The following HS3ST4 variants were observed in gnomAD, a reference collection of about 807,000 sequenced individuals.
The protein encoded by HS3ST4 is heparan sulfate-glucosamine 3-sulfotransferase 4, also known as heparan sulfate glucosamine 3-O-sulfotransferase 4.
HS3ST4 carries 17 observed loss-of-function variants against 29.2 expected under a neutral mutation model. The ratio of observed to expected loss-of-function variants is 0.58; its 90% CI spans 0.40 to 0.87. The LOEUF is 0.87. Ranked by LOEUF, HS3ST4 falls within the 40% of genes least tolerant of loss-of-function variation. The pLI, the probability that HS3ST4 is intolerant of heterozygous loss-of-function variation, is 0.00. For synonymous variants in HS3ST4, 314 were observed against 285.7 expected (o/e 1.10, Z -1.00); for missense variants, 627 against 634.5 (o/e 0.99, Z 0.13).
intron 1 of HS3ST4, among the ~76,000 whole-genome samples, chr16:26,054,341 A>AAG (rs1223992404): frequency 1.3e-5 from 2 of 151,848 alleles, no homozygotes; most frequent in Non-Finnish European, 2.9e-5. Context: ...GAAGAAGAAG[A>AAG]AGAATGCATT....
At chr16:26,028,427 GA>G (rs1156803953) in intron 1 of HS3ST4, among the ~76,000 whole-genome samples, 7 of 152,234 alleles carry the variant, frequency 4.6e-5, no homozygotes, top group Admixed American at 4.6e-4. Flanking sequence ...TTATCAAGAA[GA>G]GAGACTTTTT....
chr16:25,884,697 TG>T (rs1457564476), intron 1 of HS3ST4, among the ~76,000 whole-genome samples: 25 of 152,076 alleles, frequency 1.6e-4, no homozygotes, highest in Non-Finnish European at 3.4e-4. Context: ...TCCCGAGTAG[TG>T]GGGATTACAG....
chr16:25,979,891 T>C (rs1367096037), intron 1 of HS3ST4, among the ~76,000 whole-genome samples: 1 of 152,214 alleles, frequency 6.6e-6, no homozygotes, highest in Non-Finnish European at 1.5e-5. Context: ...CCTACCCTGC[T>C]ATGCGAATCA....
At position 25,697,720 on chromosome 16, in the gene HS3ST4, C is replaced by T. The variant is rs144295930; in HGVS notation, c.734+4569C>T. ...GTCTTTCTTTTCTTTTTTTTTGAGACGGGGTCTCGCTCTGTTGCCAGGCTG... is the reference window on the plus strand; with the variant it reads ...GTCTTTCTTTTCTTTTTTTTTGAGATGGGGTCTCGCTCTGTTGCCAGGCTG... On this transcript the variant is annotated intron_variant, in intron 1 of 1. Transcript: ENST00000331351. 8.2e-3 allele frequency among the ~76,000 whole-genome samples: 1,250 copies of T among 151,734 alleles called. 9 individuals carry two copies. Among genetic ancestry groups the T allele is most frequent in the African/African-American group, 0.028 (1,170 of 41,370 alleles).
At chr16:26,061,069 C>T (rs1898469172) in intron 1 of HS3ST4, among the ~76,000 whole-genome samples, 1 of 152,196 alleles carries the variant, frequency 6.6e-6, no homozygotes, top group Non-Finnish European at 1.5e-5. Flanking sequence ...TCTATTACTG[C>T]TTTCTGAGCA....
At chr16:26,008,087 G>A (rs1969274524) in intron 1 of HS3ST4, among the ~76,000 whole-genome samples, 1 of 152,032 alleles carries the variant, frequency 6.6e-6, no homozygotes, top group African/African-American at 2.4e-5. Context: ...ACAGACATCA[G>A]GCAGATTAAC....
At chr16:25,986,289 A>G (rs11074740) in intron 1 of HS3ST4, among the ~76,000 whole-genome samples, 19,834 of 152,260 alleles carry the variant, frequency 0.13, 1,364 homozygotes, top group Middle Eastern at 0.16. Context: ...AGAACCAGGC[A>G]TTGAAACTGG....
At chr16:25,777,607 A>G (rs1374563537) in intron 1 of HS3ST4, among the ~76,000 whole-genome samples, 2 of 152,162 alleles carry the variant, frequency 1.3e-5, no homozygotes, top group Non-Finnish European at 2.9e-5. Flanking sequence ...ATCTCTACTA[A>G]AAATACAAAA....
intron 1 of HS3ST4, among the ~76,000 whole-genome samples, chr16:25,796,258 T>G (rs1966885295): frequency 6.6e-6 from 1 of 152,204 alleles, no homozygotes; most frequent in African/African-American, 2.4e-5. Context: ...AGTATCAACA[T>G]GCAGAAAATT....
At chr16:25,820,650 G>T (rs922913570) in intron 1 of HS3ST4, among the ~76,000 whole-genome samples, 4 of 151,864 alleles carry the variant, frequency 2.6e-5, no homozygotes, top group African/African-American at 9.7e-5. Flanking sequence ...GCCGAGGCTG[G>T]TTTCAAACTC....
At chr16:25,697,461 C>T (rs557947403) in intron 1 of HS3ST4, among the ~76,000 whole-genome samples, 37 of 152,312 alleles carry the variant, frequency 2.4e-4, no homozygotes, top group African/African-American at 8.7e-4. Flanking sequence ...AGATTGCTTA[C>T]ATGTTGAAAT....
intron 1 of HS3ST4, among the ~76,000 whole-genome samples, chr16:25,823,325 C>A (rs1967181489): frequency 6.6e-6 from 1 of 152,140 alleles, no homozygotes; most frequent in African/African-American, 2.4e-5. Flanking sequence ...AAGACAAAAG[C>A]AAGAGAAAGA....
intron 1 of HS3ST4, among the ~76,000 whole-genome samples, chr16:25,935,724 T>C (rs570825635): frequency 6.6e-6 from 1 of 152,308 alleles, no homozygotes; most frequent in Admixed American, 6.5e-5. Flanking sequence ...ACCTGCTAAA[T>C]GACACCTGGT....
intron 1 of HS3ST4, among the ~76,000 whole-genome samples, chr16:25,781,514 A>T (rs1966852584): frequency 6.6e-6 from 1 of 152,176 alleles, no homozygotes. Flanking sequence ...CTCCTCTCTC[A>T]CACACATAAC....
At chr16:26,066,875 A>G (rs1194360132) in intron 1 of HS3ST4, among the ~76,000 whole-genome samples, 2 of 152,184 alleles carry the variant, frequency 1.3e-5, no homozygotes, top group African/African-American at 4.8e-5. Context: ...TGTGGACATT[A>G]GTTCTATATA....
At chr16:25,693,450 G>C (rs934520784) in intron 1 of HS3ST4, among the ~76,000 whole-genome samples, 1 of 152,216 alleles carries the variant, frequency 6.6e-6, no homozygotes, top group African/African-American at 2.4e-5. Flanking sequence ...GGAACCCCCA[G>C]CCCTCCTGCC....
In HS3ST4 at chr16:25,692,358, T is replaced by G. The variant is rs1249439720; in HGVS notation, c.-60T>G. 5.1e-6 allele frequency: 1 copy of G among 197,774 alleles called. No individual in the cohort carries two copies. The highest frequency in any genetic ancestry group is 8.4e-6 in the Non-Finnish European group (1 of 119,124). 12.3% of individuals were successfully genotyped at this position (197,774 alleles called of 1,614,324 possible). A position where few individuals can be genotyped will look rare whatever the true frequency, so the allele number is the denominator to read the frequency against. The stretch of plus-strand genomic sequence containing the variant: ...GCGGCGGGGGCGGCGGCTGAAACCA[T>G]GTCCGGGCAGCGCCGGGGGCTGCCG... On this transcript the variant is annotated 5_prime_UTR_variant, in exon 1 of 2. It removes an upstream start codon present in the reference 5' UTR. Coordinates refer to ENST00000331351, the MANE Select transcript of HS3ST4 (RefSeq NM_006040.3).
At chr16:26,121,975 T>C (rs1899282258) in intron 1 of HS3ST4, among the ~76,000 whole-genome samples, 1 of 152,100 alleles carries the variant, frequency 6.6e-6, no homozygotes, top group African/African-American at 2.4e-5. Context: ...AATGTTGTCT[T>C]AGAACCCTGA....
chr16:25,939,684 T>C (rs1293126891), intron 1 of HS3ST4, among the ~76,000 whole-genome samples: 1 of 152,130 alleles, frequency 6.6e-6, no homozygotes, highest in African/African-American at 2.4e-5. Context: ...TTGCTTTCTG[T>C]GGAGAGACGC....
Sources: allele counts gnomAD v4.1 joint callset (sites outside exome capture counted in the v4.1 genomes callset), GRCh38; gene constraint gnomAD v4.1.1; transcripts MANE v1.5; gene names NCBI Gene and HGNC (gene_info 2026-07-23, HGNC 2026-07-21).